The following ZSCAN2 variants were observed in gnomAD, a reference collection of about 807,000 sequenced individuals.
The protein encoded by ZSCAN2 is zinc finger and SCAN domain containing 2.
In ZSCAN2, 26 loss-of-function variants were observed where a neutral mutation model predicts 47.8. The observed-to-expected ratio is 0.54, with a 90% confidence interval of 0.40 to 0.75. The LOEUF is 0.75. Ranked by LOEUF, ZSCAN2 falls within the 30% of genes least tolerant of loss-of-function variation. ZSCAN2 has a pLI of 0.00. For missense variants in ZSCAN2, 732 were observed against 785.4 expected (o/e 0.93, Z 0.81); for synonymous variants, 305 against 288.7 (o/e 1.06, Z -0.57).
At position 84,623,634 on chromosome 15, in the gene ZSCAN2, C is replaced by T. The variant is rs973912428; in HGVS notation, c.*1594C>T. 1 of 167,236 alleles carries T rather than the reference C, an allele frequency of 6.0e-6. No homozygotes were observed. The highest frequency in any genetic ancestry group is 1.5e-5 in the Non-Finnish European group (1 of 68,264). The allele number at this position is 167,236 out of a possible 1,614,324, so 10.4% of individuals were successfully genotyped here. A position where few individuals can be genotyped will look rare whatever the true frequency, so the allele number is the denominator to read the frequency against. On this transcript the variant is annotated 3_prime_UTR_variant, in exon 3 of 3. Coordinates refer to ENST00000546148, the MANE Select transcript of ZSCAN2 (RefSeq NM_181877.4). ...GGAAATGGGAAACTGCCTCCTCCTA[C>T]ACATGGGGCCTGTGCTCAGAATGGG... is the stretch of plus-strand genomic sequence containing the variant.
Position 84,622,061 on chromosome 15 carries a change from A to G in ZSCAN2, c.*21A>G. ...ATTGAAGTGGCAAAGAGTGAAAGTG[A>G]GGGACTGGCCTGGAGTGGGAGTTGC... is the stretch of plus-strand genomic sequence containing the variant. On this transcript the variant is annotated 3_prime_UTR_variant, in exon 3 of 3. Transcript: ENST00000546148. 6.4e-7 allele frequency: 1 copy of G among 1,573,100 alleles called. No homozygotes were observed. Among genetic ancestry groups the G allele is most frequent in the Non-Finnish European group, 8.6e-7 (1 of 1,157,098 alleles).
chr15:84,620,945 C>A lies in ZSCAN2; in HGVS notation c.750C>A (p.Tyr250Ter), dbSNP rs1895802769. The part of the protein sequence containing the change: ...HERTHTGEKY[Y>*]KCDECGKSFS... ...GGACCCACACAGGAGAGAAATACTA[C>A]AAATGTGATGAATGTGGAAAAAGCT... Residue 250 changes from tyrosine to a stop codon, truncating the protein, a stop_gained, in exon 3 of 3, where the codon TAC becomes TAA. Transcript: ENST00000546148. LOFTEE classifies it high-confidence loss of function. The A allele has an allele frequency of 6.2e-7, 1 of 1,614,002 alleles. No individual in the cohort carries two copies. The highest frequency in any genetic ancestry group is 1.3e-5 in the African/African-American group (1 of 74,910).
intron 2 of ZSCAN2, among the ~76,000 whole-genome samples, chr15:84,609,130 C>T (rs1953237449): frequency 6.6e-6 from 1 of 152,158 alleles, no homozygotes; most frequent in Non-Finnish European, 1.5e-5. Flanking sequence ...AAAATGCTCC[C>T]TTAATGACCA....
chr15:84,601,584 G>A (rs575010252), intron 1 of ZSCAN2, among the ~76,000 whole-genome samples: 3 of 152,212 alleles, frequency 2.0e-5, no homozygotes, highest in South Asian at 4.1e-4. Flanking sequence ...CACGTTGAGA[G>A]CTTCGGTTTT....
At chr15:84,618,248 T>C (rs1270600314) in intron 2 of ZSCAN2, among the ~76,000 whole-genome samples, 1 of 151,868 alleles carries the variant, frequency 6.6e-6, no homozygotes, top group African/African-American at 2.4e-5. Flanking sequence ...TGAAACCCCA[T>C]CTCTACTAAA....
chr15:84,608,113 CCTGT>C (rs1431564547), intron 2 of ZSCAN2, among the ~76,000 whole-genome samples: 1 of 152,100 alleles, frequency 6.6e-6, no homozygotes, highest in Non-Finnish European at 1.5e-5. Flanking sequence ...AGACAAGGAA[CCTGT>C]CTTTTTCCTT....
In ZSCAN2 at chr15:84,622,959, G is replaced by T. The variant is rs1000170774; in HGVS notation, c.*919G>T. On this transcript the variant is annotated 3_prime_UTR_variant, in exon 3 of 3. Coordinates refer to ENST00000546148, the MANE Select transcript of ZSCAN2 (RefSeq NM_181877.4). ...CACAGCAGGGTGGGTTTGTGCCTTT[G>T]GCCCAACAGGTACATAGCCCCATAA... 7 of 424,758 alleles carry T rather than the reference G, an allele frequency of 1.6e-5. No homozygotes were observed. In the Admixed American group the frequency reaches 1.7e-4, roughly 10 times the overall value. The allele number at this position is 424,758 out of a possible 1,614,324, so 26.3% of individuals were successfully genotyped here.
intron 2 of ZSCAN2, among the ~76,000 whole-genome samples, chr15:84,618,603 C>G (rs191220197): frequency 6.6e-6 from 1 of 151,470 alleles, no homozygotes; most frequent in African/African-American, 2.4e-5. Flanking sequence ...GCTCTGTTGC[C>G]CAGGCCGGAG....
In ZSCAN2 at chr15:84,622,596, C is replaced by T; in HGVS notation, c.*556C>T. 1.4e-6 allele frequency: 1 copy of T among 717,308 alleles called. No homozygotes were observed. The allele number at this position is 717,308 out of a possible 1,614,324, so 44.4% of individuals were successfully genotyped here. On this transcript the variant is annotated 3_prime_UTR_variant, in exon 3 of 3. Coordinates refer to ENST00000546148, the MANE Select transcript of ZSCAN2 (RefSeq NM_181877.4). ...ATTTCAGGTCAAGATGGAGGGGCTT[C>T]TCCAGTTCTGAGTCACCCACGTGAA...
chr15:84,620,908 T>C lies in ZSCAN2; in HGVS notation c.713T>C (p.Ile238Thr), dbSNP rs1895801888. ...GKTFSRKSHL[I>T]THERTHTGEK... ...ACCTTCAGCCGGAAATCCCACCTCATCACACACGAGAGGACCCACACAGGA... is the reference window on the plus strand; with the variant it reads ...ACCTTCAGCCGGAAATCCCACCTCACCACACACGAGAGGACCCACACAGGA... The change falls in exon 3 of 3, where the codon ATC becomes ACC. Residue 238 changes from isoleucine to threonine, a missense_variant. This residue lies in a region of ZSCAN2 where 412 missense variants were observed against 498.0 expected (regional missense o/e 0.83). Coordinates refer to ENST00000546148, the MANE Select transcript of ZSCAN2 (RefSeq NM_181877.4). 5 of 1,614,032 alleles carry C rather than the reference T, an allele frequency of 3.1e-6. No individual in the cohort carries two copies. The highest frequency in any genetic ancestry group is 4.2e-6 in the Non-Finnish European group (5 of 1,180,040).
chr15:84,607,888 C>T (rs543419894), intron 2 of ZSCAN2, among the ~76,000 whole-genome samples: 38 of 152,148 alleles, frequency 2.5e-4, no homozygotes, highest in African/African-American at 9.2e-4. Context: ...AGTGCCCACC[C>T]GTGGAGACCC....
At chr15:84,614,065 A>C (rs1271086292) in intron 2 of ZSCAN2, among the ~76,000 whole-genome samples, 1 of 122,196 alleles carries the variant, frequency 8.2e-6, no homozygotes, top group Non-Finnish European at 1.6e-5. Context: ...ATCATAGTTT[A>C]CTATAATCTC....
chr15:84,621,931 TC>T lies in ZSCAN2; in HGVS notation c.1738del (p.His580ThrfsTer30). ...WNSVLIIHQR[I>X]HTGEKPYKCP... Reference sequence around the variant, plus strand: ...TCAGTCCTCATTATACATCAGCGAATCCACACTGGGGAGAAGCCCTACAAAT... The same window carrying T: ...TCAGTCCTCATTATACATCAGCGAATCACACTGGGGAGAAGCCCTACAAAT... On this transcript the variant is annotated frameshift_variant, in exon 3 of 3. Transcript: ENST00000546148. LOFTEE classifies it high-confidence loss of function. The surrounding 1 kb of genome is among the most constrained non-coding windows in gnomAD (Gnocchi z 5.7). 1 of 1,612,876 alleles carries T rather than the reference TC, an allele frequency of 6.2e-7. No individual in the cohort carries two copies. Among genetic ancestry groups the T allele is most frequent in the Non-Finnish European group, 8.5e-7 (1 of 1,179,484 alleles).
At position 84,621,007 on chromosome 15, in the gene ZSCAN2, C is replaced by T; in HGVS notation, c.812C>T (p.Thr271Ile). 1 of 1,614,018 alleles carries T rather than the reference C, an allele frequency of 6.2e-7. No individual in the cohort carries two copies. Among genetic ancestry groups the T allele is most frequent in the Non-Finnish European group, 8.5e-7 (1 of 1,180,012 alleles). ...DGSNFSRHQT[T>I]HTGEKPYKCR... Reference sequence around the variant, plus strand: ...TCAAATTTTAGTAGACACCAAACCACTCACACCGGGGAGAAGCCCTACAAA... The same window carrying T: ...TCAAATTTTAGTAGACACCAAACCATTCACACCGGGGAGAAGCCCTACAAA... Residue 271 changes from threonine (T) to isoleucine (I), a missense_variant, in exon 3 of 3, where the codon ACT (threonine) becomes ATT (isoleucine). Thr to Ile is a moderately conservative substitution (Grantham distance 89). Coordinates refer to ENST00000546148, the MANE Select transcript of ZSCAN2 (RefSeq NM_181877.4). This position sits in a 1 kb window ranked among gnomAD's most constrained non-coding sequence, Gnocchi z 5.7.
intron 2 of ZSCAN2, among the ~76,000 whole-genome samples, chr15:84,612,358 A>T (rs949215597): frequency 1.3e-5 from 2 of 152,170 alleles, no homozygotes; most frequent in African/African-American, 4.8e-5. Context: ...CAGTACAGTG[A>T]AGGGGTTATT....
At chr15:84,605,027 C>T (rs371596854) in intron 2 of ZSCAN2, among the ~76,000 whole-genome samples, 6 of 152,132 alleles carry the variant, frequency 3.9e-5, no homozygotes, top group African/African-American at 1.4e-4. Context: ...TGAGTCACCA[C>T]GCCTGGCCCC....
chr15:84,606,138 G>C (rs1567007232), intron 2 of ZSCAN2, among the ~76,000 whole-genome samples: 1 of 152,212 alleles, frequency 6.6e-6, no homozygotes, highest in Non-Finnish European at 1.5e-5. Context: ...AGAGGACTGG[G>C]AAGAGAAGAG....
At chr15:84,611,709 C>T (rs1260186930) in intron 2 of ZSCAN2, 1 of 152,280 alleles carries the variant, frequency 6.6e-6, no homozygotes, top group Non-Finnish European at 1.5e-5. Context: ...CCACTGCACT[C>T]CAGCCTAGGC....
At chr15:84,607,521 G>GT (rs1330551904) in intron 2 of ZSCAN2, among the ~76,000 whole-genome samples, 1 of 150,190 alleles carries the variant, frequency 6.7e-6, no homozygotes, top group Non-Finnish European at 1.5e-5. Context: ...TTTTGTTTTT[G>GT]TTTTTTTGAG....
Sources: gnomAD v4.1 joint callset for allele counts (sites outside exome capture counted in the v4.1 genomes callset) on GRCh38, gnomAD v4.1.1 for gene constraint, gnomAD v4.1.1 regional missense constraint, Gnocchi (gnomAD v3.1) non-coding constraint, MANE v1.5 for transcripts, NCBI Gene and HGNC (gene_info 2026-07-23, HGNC 2026-07-21) for gene names.